Variants in LINGO2 observed in about 807,000 individuals in gnomAD.
LINGO2 encodes leucine rich repeat and Ig domain containing 2, also known as leucine-rich repeat and immunoglobulin-like domain-containing nogo receptor-interacting protein 2.
A neutral mutation model predicts 30.6 loss-of-function variants in LINGO2; 14 were observed. The ratio of observed to expected loss-of-function variants is 0.46; its 90% confidence interval spans 0.30 to 0.72. LINGO2 has a LOEUF of 0.72. LINGO2 is among the 30% of genes least tolerant of loss of function. LINGO2 has a pLI of 0.07. For synonymous variants in LINGO2, 317 were observed against 288.5 expected, an observed-to-expected ratio of 1.10 and a Z score of -1.00; for missense variants, 729 against 751.7, an observed-to-expected ratio of 0.97 and a Z score of 0.35.
intron 4 of LINGO2, among the ~76,000 whole-genome samples, chr9:28,058,064 T>C (rs1825015526): frequency 6.6e-6 from 1 of 152,122 alleles, no homozygotes; most frequent in Admixed American, 6.6e-5. Context: ...TTGCCTGACA[T>C]TTAGTAAGTG....
At chr9:28,466,483 G>C (rs1045452235) in intron 2 of LINGO2, among the ~76,000 whole-genome samples, 7 of 152,132 alleles carry the variant, frequency 4.6e-5, no homozygotes, top group Non-Finnish European at 5.9e-5. Context: ...GGGAGGTGGT[G>C]ATGATAAATG....
At chr9:29,195,251 G>A in the LINGO2 span, among the ~76,000 whole-genome samples, 1 of 151,976 alleles carries the variant, frequency 6.6e-6, no homozygotes, top group African/African-American at 2.4e-5. Context: ...ACCACAGTCT[G>A]TTTAACCAGT....
At chr9:29,155,193 T>G in the LINGO2 span, among the ~76,000 whole-genome samples, 1 of 152,182 alleles carries the variant, frequency 6.6e-6, no homozygotes, top group Non-Finnish European at 1.5e-5. Context: ...AATAATGCCC[T>G]TAAGGTTTTC....
chr9:28,812,357 A>G, the LINGO2 span, among the ~76,000 whole-genome samples: 1 of 152,166 alleles, frequency 6.6e-6, no homozygotes, highest in Non-Finnish European at 1.5e-5. Flanking sequence ...TAAATTTTTT[A>G]AAAATGAAAT....
chr9:29,018,493 T>C, the LINGO2 span, among the ~76,000 whole-genome samples: 2 of 152,122 alleles, frequency 1.3e-5, no homozygotes, highest in Admixed American at 6.6e-5. Context: ...TAGAATATTA[T>C]TATGGGTAAT....
intron 4 of LINGO2, among the ~76,000 whole-genome samples, chr9:28,167,831 C>T (rs910118242): frequency 6.6e-6 from 1 of 152,184 alleles, no homozygotes; most frequent in African/African-American, 2.4e-5. Context: ...TAAAAGAGCC[C>T]ACCAGGTGAT....
At chr9:29,135,663 C>G in the LINGO2 span, among the ~76,000 whole-genome samples, 1 of 151,792 alleles carries the variant, frequency 6.6e-6, no homozygotes, top group African/African-American at 2.4e-5. Context: ...GCACATAGCA[C>G]AAAATTTGCC....
chr9:28,563,353 A>G (rs1823204188), intron 1 of LINGO2, among the ~76,000 whole-genome samples: 1 of 152,152 alleles, frequency 6.6e-6, no homozygotes, highest in African/African-American at 2.4e-5. Context: ...TTGTAACGAC[A>G]AATCTAGAAT....
chr9:28,720,246 T>G, the LINGO2 span, among the ~76,000 whole-genome samples: 5 of 152,064 alleles, frequency 3.3e-5, no homozygotes, highest in African/African-American at 4.8e-5. Flanking sequence ...TTGCCATAGA[T>G]TCACTCTACG....
intron 5 of LINGO2, among the ~76,000 whole-genome samples, chr9:27,982,565 C>T (rs1426317050): frequency 6.6e-6 from 1 of 151,830 alleles, no homozygotes; most frequent in African/African-American, 2.4e-5. Context: ...CATCCTCATC[C>T]CTTTTTGTGA....
the LINGO2 span, among the ~76,000 whole-genome samples, chr9:28,974,878 G>A: frequency 0.65 from 98,758 of 151,692 alleles, 32,736 homozygotes; most frequent in Non-Finnish European, 0.72. Flanking sequence ...TTGTCATGAA[G>A]ATAGTGAATA....
intron 4 of LINGO2, among the ~76,000 whole-genome samples, chr9:28,143,557 TAG>T (rs938615968): frequency 6.6e-6 from 1 of 151,930 alleles, no homozygotes; most frequent in African/African-American, 2.4e-5. Flanking sequence ...GTTAAGAAAA[TAG>T]AGAGATGAAC....
At chr9:28,072,071 C>T (rs1159332076) in intron 4 of LINGO2, among the ~76,000 whole-genome samples, 1 of 152,162 alleles carries the variant, frequency 6.6e-6, no homozygotes, top group Non-Finnish European at 1.5e-5. Flanking sequence ...TATTTACTTG[C>T]ACTTTTTTCT....
In LINGO2 at chr9:28,462,454, C is replaced by T. The variant is rs1224348786; in HGVS notation, c.-279+13486G>A. 2.7e-5 allele frequency among the ~76,000 whole-genome samples: 4 copies of T among 146,072 alleles called. No homozygotes were observed. In the Admixed American group the frequency reaches 2.8e-4, roughly 10 times the overall value. On this transcript the variant is annotated intron_variant, in intron 2 of 5. Transcript: ENST00000379992. ...AAAAAAAAAATTATACCTGAGTTTG[C>T]AATTTGCAATGACATCTCACTTTTG... is the stretch of plus-strand genomic sequence containing the variant.
chr9:28,188,996 G>T (rs1036588313), intron 4 of LINGO2, among the ~76,000 whole-genome samples: 1 of 152,044 alleles, frequency 6.6e-6, no homozygotes, highest in Non-Finnish European at 1.5e-5. Context: ...CAGAAGACAA[G>T]TCTAAAAGTT....
the LINGO2 span, among the ~76,000 whole-genome samples, chr9:28,816,115 A>G: frequency 1.3e-5 from 2 of 152,116 alleles, no homozygotes; most frequent in African/African-American, 4.8e-5. Context: ...CATCTACCAT[A>G]ACTAACCCAC....
chr9:28,144,744 C>A (rs925677974), intron 4 of LINGO2, among the ~76,000 whole-genome samples: 16 of 152,152 alleles, frequency 1.1e-4, no homozygotes, highest in Admixed American at 2.0e-4. Flanking sequence ...CTCCTGCCTA[C>A]AAGGAGTTTA....
At chr9:28,720,876 G>A in the LINGO2 span, among the ~76,000 whole-genome samples, 2 of 151,892 alleles carry the variant, frequency 1.3e-5, no homozygotes, top group Non-Finnish European at 2.9e-5. Flanking sequence ...TGAAGAATGT[G>A]GCTTAGAGGT....
At chr9:29,152,111 G>A in the LINGO2 span, among the ~76,000 whole-genome samples, 2 of 152,010 alleles carry the variant, frequency 1.3e-5, no homozygotes, top group East Asian at 3.9e-4. Context: ...AAACCACAAT[G>A]AAATACCATC....
Sources: allele counts gnomAD v4.1 joint callset (sites outside exome capture counted in the v4.1 genomes callset), GRCh38; gene constraint gnomAD v4.1.1; transcripts MANE v1.5; gene names NCBI Gene and HGNC (gene_info 2026-07-23, HGNC 2026-07-21).